The following PPP4R4 variants were observed in gnomAD, a reference collection of about 807,000 sequenced individuals.
PPP4R4 encodes protein phosphatase 4 regulatory subunit 4.
In PPP4R4, 70 loss-of-function variants were observed where a neutral mutation model predicts 121.8. That is an observed-to-expected ratio of 0.57 (90% confidence interval 0.47 to 0.70). The LOEUF (loss-of-function observed/expected upper bound fraction) is 0.70. PPP4R4 is among the 30% of genes least tolerant of loss of function. The probability of loss-of-function intolerance (pLI) is 0.00; values close to 1 mark genes in which losing one functional copy is unlikely to be tolerated. For synonymous variants in PPP4R4, 348 were observed against 355.7 expected, an observed-to-expected ratio of 0.98 and a Z score of 0.24; for missense variants, 875 against 1,033.6, an observed-to-expected ratio of 0.85 and a Z score of 2.10.
At chr14:94,251,528 A>G (rs1893178088) in intron 15 of PPP4R4, among the ~76,000 whole-genome samples, 1 of 152,080 alleles carries the variant, frequency 6.6e-6, no homozygotes. Context: ...ATGAAATTGA[A>G]TGAAATGTTT....
At chr14:94,247,821 A>C (rs527424805) in intron 14 of PPP4R4, among the ~76,000 whole-genome samples, 61 of 152,352 alleles carry the variant, frequency 4.0e-4, no homozygotes, top group African/African-American at 1.4e-3. Flanking sequence ...TTACATGATC[A>C]TCTCAATGGA....
In PPP4R4 at chr14:94,231,282, A is replaced by G. The variant is rs912097114; in HGVS notation, c.483A>G (p.Ile161Met). The change falls in exon 5 of 25, where the codon ATA becomes ATG. Residue 161 changes from isoleucine to methionine, a missense_variant. By Grantham distance (10) the Ile-to-Met change is conservative. Transcript: ENST00000304338. Reference sequence around the variant, plus strand: ...GGCTGGAAACTCTTCTGTCTGTTATAGAAGTATTGCCAAAAGAAACCCTAC... The same window carrying G: ...GGCTGGAAACTCTTCTGTCTGTTATGGAAGTATTGCCAAAAGAAACCCTAC... The part of the protein sequence containing the change: ...NAWLETLLSV[I>M]EVLPKETLRH... 3.1e-6 allele frequency: 5 copies of G among 1,612,566 alleles called. No individual in the cohort carries two copies. Among genetic ancestry groups the G allele is most frequent in the African/African-American group, 1.3e-5 (1 of 74,918 alleles).
At chr14:94,254,989 C>T (rs552490526) in intron 16 of PPP4R4, among the ~76,000 whole-genome samples, 2 of 152,298 alleles carry the variant, frequency 1.3e-5, no homozygotes, top group African/African-American at 2.4e-5. Flanking sequence ...TTGGTGATCT[C>T]TCCCATTTCA....
At chr14:94,198,158 A>G (rs1255862269) in intron 2 of PPP4R4, among the ~76,000 whole-genome samples, 1 of 152,210 alleles carries the variant, frequency 6.6e-6, no homozygotes, top group Non-Finnish European at 1.5e-5. Context: ...CATCAGTAGT[A>G]TGTGAAAGGA....
At chr14:94,196,544 C>T (rs958256210) in intron 2 of PPP4R4, among the ~76,000 whole-genome samples, 3 of 152,012 alleles carry the variant, frequency 2.0e-5, no homozygotes, top group African/African-American at 7.2e-5. Flanking sequence ...GAACTCCTGA[C>T]CTCAGGTGAT....
intron 23 of PPP4R4, among the ~76,000 whole-genome samples, chr14:94,271,614 C>T (rs1049748245): frequency 1.3e-5 from 2 of 152,158 alleles, no homozygotes; most frequent in African/African-American, 2.4e-5. Flanking sequence ...TGATGTATTC[C>T]TCTCACCATT....
At chr14:94,214,012 T>C (rs1476186322) in intron 3 of PPP4R4, among the ~76,000 whole-genome samples, 1 of 152,240 alleles carries the variant, frequency 6.6e-6, no homozygotes, top group African/African-American at 2.4e-5. Context: ...GTCTTTTCCC[T>C]TTCTTTCATA....
intron 11 of PPP4R4, among the ~76,000 whole-genome samples, chr14:94,243,774 A>ATT (rs545308187): frequency 6.9e-6 from 1 of 144,300 alleles, no homozygotes; most frequent in Non-Finnish European, 1.5e-5. Flanking sequence ...GCTAGTGTAA[A>ATT]TTTTTTTTTT....
At chr14:94,197,042 C>T (rs1889910378) in intron 2 of PPP4R4, among the ~76,000 whole-genome samples, 1 of 151,896 alleles carries the variant, frequency 6.6e-6, no homozygotes, top group Non-Finnish European at 1.5e-5. Flanking sequence ...CTCTAGAGCT[C>T]CCTTTTTTGT....
chr14:94,226,850 A>G (rs1026233450), intron 3 of PPP4R4, among the ~76,000 whole-genome samples: 8 of 152,206 alleles, frequency 5.3e-5, no homozygotes, highest in Non-Finnish European at 1.2e-4. Context: ...GTTTTATTCA[A>G]TAAGATTCTT....
intron 8 of PPP4R4, 74 bp from the exon 9 acceptor site, chr14:94,240,599 G>A (rs1405071596): frequency 2.1e-6 from 3 of 1,436,622 alleles, no homozygotes; most frequent in African/African-American, 1.5e-5. Context: ...TGGAATTTGT[G>A]TGTGTATTAG....
rs750399838 is a variant in PPP4R4, at chr14:94,250,320, A to G, written c.1717+43A>G. 2.2e-6 allele frequency: 3 copies of G among 1,361,392 alleles called. No homozygotes were observed. The Admixed American group carries it at 5.1e-5, about 23-fold the overall frequency. The allele number at this position is 1,361,392 out of a possible 1,614,324, so 84.3% of individuals were successfully genotyped here. On this transcript the variant is annotated intron_variant, in intron 15 of 24. Coordinates refer to ENST00000304338, the MANE Select transcript of PPP4R4 (RefSeq NM_058237.2). ...ACTATTTTGAAAAAGGAAAGTAAACAAACTAGTTGGCTTTAGTTATGTCTA... is the reference window on the plus strand; with the variant it reads ...ACTATTTTGAAAAAGGAAAGTAAACGAACTAGTTGGCTTTAGTTATGTCTA...
chr14:94,260,729 G>T (rs1295042317), intron 19 of PPP4R4, among the ~76,000 whole-genome samples: 1 of 151,982 alleles, frequency 6.6e-6, no homozygotes, highest in African/African-American at 2.4e-5. Flanking sequence ...TTCTTTCACA[G>T]ATATACATAT....
chr14:94,174,365 C>T lies in PPP4R4; in HGVS notation c.-101C>T. ...CAGCCTCACGCTCGGCTCCAGCGGC[C>T]AAGAGCCGGAGAAAGTCCTGCTGGT... On this transcript the variant is annotated 5_prime_UTR_variant, in exon 1 of 25. Coordinates refer to ENST00000304338, the MANE Select transcript of PPP4R4 (RefSeq NM_058237.2). 2 of 1,108,542 alleles carry T rather than the reference C, an allele frequency of 1.8e-6. No homozygotes were observed. Among genetic ancestry groups the T allele is most frequent in the Non-Finnish European group, 2.3e-6 (2 of 859,988 alleles). 68.7% of individuals were successfully genotyped at this position (1,108,542 alleles called of 1,614,324 possible).
rs200515301 is a variant in PPP4R4, at chr14:94,174,435, C to T, written c.-31C>T. 3,250 of 1,530,792 alleles carry T rather than the reference C, an allele frequency of 2.1e-3. 76 individuals carry two copies. The East Asian group carries it at 0.025, about 12-fold the overall frequency. 94.8% of individuals were successfully genotyped at this position (1,530,792 alleles called of 1,614,324 possible). ...GGCGTCCGGCATCCCGGGGCCGCTCCGGCCCGGGCGGCGAGAGTGCCCGGC... is the reference window on the plus strand; with the variant it reads ...GGCGTCCGGCATCCCGGGGCCGCTCTGGCCCGGGCGGCGAGAGTGCCCGGC... On this transcript the variant is annotated 5_prime_UTR_variant, in exon 1 of 25. Transcript: ENST00000304338.
At chr14:94,271,847 T>A (rs1894351804) in intron 23 of PPP4R4, among the ~76,000 whole-genome samples, 1 of 152,160 alleles carries the variant, frequency 6.6e-6, no homozygotes, top group East Asian at 1.9e-4. Context: ...TGTGCAAAGT[T>A]GAGTATGTCC....
At chr14:94,176,871 C>T (rs1888705817) in intron 2 of PPP4R4, among the ~76,000 whole-genome samples, 1 of 152,180 alleles carries the variant, frequency 6.6e-6, no homozygotes, top group Non-Finnish European at 1.5e-5. Context: ...GCTTACACAA[C>T]ATATTTTTCC....
intron 3 of PPP4R4, among the ~76,000 whole-genome samples, chr14:94,216,673 C>T (rs1891038975): frequency 6.6e-6 from 1 of 152,162 alleles, no homozygotes; most frequent in African/African-American, 2.4e-5. Context: ...TGAAAACCTT[C>T]TCCTTTATGA....
intron 11 of PPP4R4, among the ~76,000 whole-genome samples, 153 bp downstream of exon 11, chr14:94,242,561 T>C (rs369490678): frequency 3.9e-5 from 6 of 152,206 alleles, no homozygotes; most frequent in African/African-American, 1.4e-4. Flanking sequence ...TTAATTTTCT[T>C]CTTTTTTAGT....
Sources: allele counts gnomAD v4.1 joint callset (sites outside exome capture counted in the v4.1 genomes callset), GRCh38; gene constraint gnomAD v4.1.1; transcripts MANE v1.5; gene names NCBI Gene and HGNC (gene_info 2026-07-23, HGNC 2026-07-21).